The following KCNJ5 variants were observed in gnomAD, a reference collection of about 807,000 sequenced individuals.
KCNJ5 encodes the protein potassium inwardly rectifying channel subfamily J member 5.
Under a neutral mutation model 20.2 loss-of-function variants are expected in KCNJ5, and 12 were observed. That is an observed-to-expected ratio of 0.59 (90% confidence interval 0.38 to 0.96). The LOEUF is 0.96. Among genes scored for constraint, KCNJ5 ranks in the 40% least tolerant of loss-of-function variants. The pLI is 0.00. For missense variants in KCNJ5, 449 were observed against 557.6 expected (o/e 0.81, Z 1.96); for synonymous variants, 210 against 213.9 (o/e 0.98, Z 0.16).
chr11:128,892,381 G>A (rs148507442), intron 1 of KCNJ5, among the ~76,000 whole-genome samples: 1 of 152,090 alleles, frequency 6.6e-6, no homozygotes, highest in Non-Finnish European at 1.5e-5. Flanking sequence ...AGAGCTGTTG[G>A]CCCCCTGGTT....
chr11:128,891,460 A>AGG lies in KCNJ5; in HGVS notation c.-271_-270insGG, dbSNP rs1565540568. 2.5e-4 allele frequency: 37 copies of AGG among 150,842 alleles called. No homozygotes were observed. Among genetic ancestry groups the AGG allele is most frequent in the African/African-American group, 7.8e-4 (31 of 39,992 alleles). The allele number at this position is 150,842 out of a possible 1,614,324, so 9.3% of individuals were successfully genotyped here. A position where few individuals can be genotyped will look rare whatever the true frequency, so the allele number is the denominator to read the frequency against. The stretch of plus-strand genomic sequence containing the variant: ...CACACACAGAGAGAGAGAGAGAGAG[A>AGG]GAGAGAGAGAGAGAGATTGTTCCAG... On this transcript the variant is annotated 5_prime_UTR_variant, in exon 1 of 3. Coordinates refer to ENST00000529694, the MANE Select transcript of KCNJ5 (RefSeq NM_000890.5).
Position 128,904,576 on chromosome 11 carries a change from T to C in KCNJ5, c.-10-6688T>C, listed in dbSNP as rs1386958544. On this transcript the variant is annotated intron_variant, in intron 1 of 2. Coordinates refer to ENST00000529694, the MANE Select transcript of KCNJ5 (RefSeq NM_000890.5). ...CCAGCCGCGTCAACATCACTGCGGC[T>C]TCTTAGCAAAACCGCGGACTCTGGA... 6.0e-6 allele frequency: 6 copies of C among 996,722 alleles called. No homozygotes were observed. The Admixed American group carries it at 8.5e-5, about 14-fold the overall frequency. The allele number at this position is 996,722 out of a possible 1,614,324, so 61.7% of individuals were successfully genotyped here.
chr11:128,902,644 G>A (rs1449751911), intron 1 of KCNJ5: 40 of 1,613,952 alleles, frequency 2.5e-5, no homozygotes, highest in Non-Finnish European at 1.7e-6. Context: ...TGCAGATTGA[G>A]TTCTCCTCTT....
intron 2 of KCNJ5, 105 bp from the exon 3 acceptor site, chr11:128,916,304 G>GGATGGATA: frequency 2.3e-6 from 2 of 866,172 alleles, no homozygotes; most frequent in Middle Eastern, 2.4e-4. Context: ...ATGGATGGAT[G>GGATGGATA]GATGGATAGA....
intron 1 of KCNJ5, chr11:128,902,741 G>A (rs745645274): frequency 6.5e-5 from 102 of 1,575,836 alleles, no homozygotes. Context: ...GAGGCTGTGA[G>A]AGGAATTCAG....
Position 128,903,303 on chromosome 11 carries a change from C to T in KCNJ5, c.-10-7961C>T, listed in dbSNP as rs565577064. 592 of 1,575,512 alleles carry T rather than the reference C, an allele frequency of 3.8e-4. No individual in the cohort carries two copies. In the African/African-American group the frequency reaches 6.0e-3, roughly 16 times the overall value. ...AATAGGAGAAAGCCTACTAATTGCA[C>T]GTGACCAAGAAGGATGTAGAGTGTG... On this transcript the variant is annotated intron_variant, in intron 1 of 2. Transcript: ENST00000529694.
chr11:128,896,380 C>T (rs1944177178), intron 1 of KCNJ5, among the ~76,000 whole-genome samples: 1 of 152,192 alleles, frequency 6.6e-6, no homozygotes, highest in South Asian at 2.1e-4. Flanking sequence ...AAGAAAACAA[C>T]ATTTCCATCA....
chr11:128,908,687 C>G (rs1264436061), intron 1 of KCNJ5, among the ~76,000 whole-genome samples: 6 of 152,122 alleles, frequency 3.9e-5, no homozygotes, highest in African/African-American at 1.4e-4. Context: ...AAGCTGTTTC[C>G]CCAAAGAGCT....
At chr11:128,902,519 G>A (rs1284263346) in intron 1 of KCNJ5, 3 of 1,565,622 alleles carry the variant, frequency 1.9e-6, no homozygotes, top group Non-Finnish European at 2.6e-6. Flanking sequence ...ATGGGGGAGG[G>A]GGCTGGGGAG....
chr11:128,905,149 C>A (rs1297930759), intron 1 of KCNJ5, among the ~76,000 whole-genome samples: 1 of 152,230 alleles, frequency 6.6e-6, no homozygotes, highest in Non-Finnish European at 1.5e-5. Context: ...CGCCCTTCCT[C>A]CAGGAAGAGA....
intron 1 of KCNJ5, chr11:128,902,119 C>T (rs1944293439): frequency 5.4e-6 from 1 of 184,492 alleles, no homozygotes; most frequent in South Asian, 1.0e-4. Context: ...TGCCTGGAGC[C>T]CCTGGGAGCC....
chr11:128,894,108 T>C (rs762698661), intron 1 of KCNJ5, among the ~76,000 whole-genome samples: 3 of 152,044 alleles, frequency 2.0e-5, no homozygotes, highest in Non-Finnish European at 4.4e-5. Context: ...TGATTCTTCC[T>C]GCCTGCGGTG....
chr11:128,904,754 C>T (rs956641617), intron 1 of KCNJ5: 1 of 489,322 alleles, frequency 2.0e-6, no homozygotes, highest in Non-Finnish European at 3.6e-6. Flanking sequence ...AGTGGGGGTT[C>T]GCTGACTAAT....
At chr11:128,915,876 T>C (rs1336235748) in intron 2 of KCNJ5, among the ~76,000 whole-genome samples, 2 of 149,872 alleles carry the variant, frequency 1.3e-5, no homozygotes, top group Non-Finnish European at 3.0e-5. Context: ...AGTGGATGGA[T>C]GGATGGATGG....
intron 1 of KCNJ5, chr11:128,902,821 G>A: frequency 7.8e-7 from 1 of 1,277,470 alleles, no homozygotes; most frequent in Non-Finnish European, 1.1e-6. Context: ...TCCATGGGCA[G>A]AAAAGGCCTC....
chr11:128,902,577 C>A (rs770852405), intron 1 of KCNJ5: 8 of 1,609,964 alleles, frequency 5.0e-6, no homozygotes. Context: ...CCACCGGAAC[C>A]AGGCTGATGG....
intron 1 of KCNJ5, among the ~76,000 whole-genome samples, chr11:128,893,567 C>A: frequency 6.6e-6 from 1 of 152,338 alleles, no homozygotes; most frequent in East Asian, 1.9e-4. Flanking sequence ...ACCAGCCACT[C>A]AGGCATGGCT....
intron 2 of KCNJ5, among the ~76,000 whole-genome samples, chr11:128,914,796 C>T (rs565920778): frequency 2.0e-4 from 30 of 152,356 alleles, no homozygotes; most frequent in Admixed American, 1.1e-3. Context: ...AGGGCAGCCG[C>T]TGCCACACCC....
At chr11:128,913,075 C>T (rs1391771293) in intron 2 of KCNJ5, among the ~76,000 whole-genome samples, 2 of 152,170 alleles carry the variant, frequency 1.3e-5, no homozygotes, top group African/African-American at 4.8e-5. Context: ...TCTCGCTGTC[C>T]TTACCCACTG....
Sources: gnomAD v4.1 joint callset for allele counts (sites outside exome capture counted in the v4.1 genomes callset) on GRCh38, gnomAD v4.1.1 for gene constraint, MANE v1.5 for transcripts, NCBI Gene and HGNC (gene_info 2026-07-23, HGNC 2026-07-21) for gene names.